The following SEC31A variants were observed in gnomAD, a reference collection of about 807,000 sequenced individuals.
The protein encoded by SEC31A is SEC31 homolog A, COPII component, also known as protein transport protein Sec31A.
Under a neutral mutation model 151.0 loss-of-function variants are expected in SEC31A, and 70 were observed. The ratio of observed to expected loss-of-function variants is 0.46; its 90% CI spans 0.38 to 0.57. SEC31A has a LOEUF of 0.57. Ranked by LOEUF, SEC31A falls within the 20% of genes least tolerant of loss-of-function variation. The pLI, the probability that SEC31A is intolerant of heterozygous loss-of-function variation, is 0.00. For missense variants in SEC31A, 1,330 were observed against 1,471.2 expected (o/e 0.90, Z 1.57); for synonymous variants, 475 against 505.9 (o/e 0.94, Z 0.82).
chr4:82,870,195 C>T, intron 8 of SEC31A, 130 bp downstream of exon 8: 1 of 579,184 alleles, frequency 1.7e-6, no homozygotes, highest in Admixed American at 2.9e-5. Flanking sequence ...GCCAAATAAA[C>T]ACTGCACACA....
At chr4:82,886,093 C>T (rs1379683338) in intron 1 of SEC31A, among the ~76,000 whole-genome samples, 2 of 152,186 alleles carry the variant, frequency 1.3e-5, no homozygotes, top group African/African-American at 2.4e-5. Context: ...GTTCTTTCTA[C>T]TTCCAACAAG....
At chr4:82,884,428 G>A (rs533044526) in intron 1 of SEC31A, among the ~76,000 whole-genome samples, 21 of 151,996 alleles carry the variant, frequency 1.4e-4, no homozygotes, top group East Asian at 3.9e-4. Context: ...AGAGTTTTAC[G>A]TTCCTAGAAA....
intron 21 of SEC31A, chr4:82,843,776 C>T (rs898882927): frequency 6.6e-6 from 1 of 151,794 alleles, no homozygotes; most frequent in Non-Finnish European, 1.5e-5. Flanking sequence ...TGTCATTACA[C>T]ATTTGTTAAA....
At chr4:82,842,575 G>A in intron 21 of SEC31A, 94 bp from the exon 22 acceptor site, 1 of 936,062 alleles carries the variant, frequency 1.1e-6, no homozygotes, top group Non-Finnish European at 1.6e-6. Context: ...CTATAGAAAT[G>A]ATTTTAATCA....
At chr4:82,853,432 G>T in intron 18 of SEC31A, 138 bp downstream of exon 18, 1 of 690,372 alleles carries the variant, frequency 1.4e-6, no homozygotes, top group Non-Finnish European at 2.2e-6. Context: ...TTCAAAGATA[G>T]CAATAAATGC....
upstream of SEC31A, among the ~76,000 whole-genome samples, chr4:82,892,178 T>C (rs1171913320): frequency 1.3e-5 from 2 of 152,226 alleles, no homozygotes; most frequent in Non-Finnish European, 2.9e-5. Context: ...CTGGTAGTAA[T>C]ATATTCTCTT....
At chr4:82,882,174 C>A (rs988095233) in intron 1 of SEC31A, among the ~76,000 whole-genome samples, 8 of 152,040 alleles carry the variant, frequency 5.3e-5, no homozygotes, top group Non-Finnish European at 1.0e-4. Context: ...GAGGCCAAGG[C>A]GGGCGGATCA....
chr4:82,827,946 G>A (rs1437988990), intron 23 of SEC31A, among the ~76,000 whole-genome samples: 1 of 148,976 alleles, frequency 6.7e-6, no homozygotes, highest in Non-Finnish European at 1.5e-5. Flanking sequence ...ATAGAGTCCC[G>A]CTCTGTCGCC....
chr4:82,869,264 C>T (rs1390113085), intron 8 of SEC31A, among the ~76,000 whole-genome samples: 2 of 151,538 alleles, frequency 1.3e-5, no homozygotes, highest in Admixed American at 6.6e-5. Flanking sequence ...GGACTACAGG[C>T]GCCCGCCACC....
upstream of SEC31A, chr4:82,894,581 G>A (rs1337734288): frequency 6.6e-6 from 1 of 152,198 alleles, no homozygotes; most frequent in Non-Finnish European, 1.5e-5. Context: ...CTCACAAACT[G>A]ATGTGGATGA....
chr4:82,866,189 G>C (rs544890045), intron 10 of SEC31A, among the ~76,000 whole-genome samples: 151 of 152,094 alleles, frequency 9.9e-4, no homozygotes, highest in Non-Finnish European at 1.7e-3. Context: ...AAGGGAGGAG[G>C]GCCGGGTGCA....
chr4:82,898,833 T>C (rs1720170819), intron 3 of SEC31A, among the ~76,000 whole-genome samples: 1 of 152,174 alleles, frequency 6.6e-6, no homozygotes, highest in African/African-American at 2.4e-5. Flanking sequence ...CTCAAGAAGC[T>C]AAACACAGTT....
rs1724118032 is a variant in SEC31A, at chr4:82,824,576, G to C, written c.3390C>G (p.Cys1130Trp). 1 of 1,613,486 alleles carries C rather than the reference G, an allele frequency of 6.2e-7. No individual in the cohort carries two copies. Among genetic ancestry groups the C allele is most frequent in the African/African-American group, 1.3e-5 (1 of 74,886 alleles). The change falls in exon 25 of 27, where the codon TGC becomes TGG. Residue 1130 changes from cysteine to tryptophan, a missense_variant. By Grantham distance (215) the Cys-to-Trp change is radical (BLOSUM62 -2). Transcript: ENST00000395310. ...KTTFEDLIQRCLSSATDPQTK... is the reference protein window; with the variant it reads ...KTTFEDLIQRWLSSATDPQTK... The stretch of plus-strand genomic sequence containing the variant: ...ATACAGGGTCTGTTGCTGAAGAAAG[G>C]CAGCGCTGAATAAGATCCTCAAATG...
Position 82,857,135 on chromosome 4 carries a change from A to C in SEC31A, c.1703-5T>G. 1 of 1,608,968 alleles carries C rather than the reference A, an allele frequency of 6.2e-7. No individual in the cohort carries two copies. Among genetic ancestry groups the C allele is most frequent in the Non-Finnish European group, 8.5e-7 (1 of 1,178,776 alleles). The stretch of plus-strand genomic sequence containing the variant: ...GAGTAATTAAACCATCAATGTCTGC[A>C]ACAAGAAAATAATACATCCAAGTTA... On this transcript the variant is annotated splice_polypyrimidine_tract_variant and splice_region_variant and intron_variant, in intron 15 of 26. Transcript: ENST00000395310.
intron 16 of SEC31A, 93 bp from the exon 17 acceptor site, chr4:82,855,122 C>A: frequency 1.9e-6 from 2 of 1,027,526 alleles, no homozygotes; most frequent in Non-Finnish European, 2.7e-6. Flanking sequence ...TATTTCATGC[C>A]AAATGCAGCA....
chr4:82,821,760 C>T (rs1230984654), intron 25 of SEC31A, among the ~76,000 whole-genome samples: 1 of 151,926 alleles, frequency 6.6e-6, no homozygotes, highest in East Asian at 1.9e-4. Flanking sequence ...TCACAAGCAT[C>T]AGGAGGCAGC....
intron 1 of SEC31A, among the ~76,000 whole-genome samples, chr4:82,884,617 T>C (rs1740232850): frequency 6.6e-6 from 1 of 152,244 alleles, no homozygotes; most frequent in Non-Finnish European, 1.5e-5. Flanking sequence ...TTGTATATTC[T>C]ATGGGTTTTG....
intron 14 of SEC31A, among the ~76,000 whole-genome samples, chr4:82,858,692 A>T (rs918937713): frequency 1.3e-5 from 2 of 149,338 alleles, no homozygotes; most frequent in South Asian, 4.2e-4. Context: ...TATATTATTT[A>T]TTTATTTATT....
intron 8 of SEC31A, among the ~76,000 whole-genome samples, chr4:82,869,132 T>C (rs1736066154): frequency 6.6e-6 from 1 of 151,786 alleles, no homozygotes. Context: ...TATTTATTTA[T>C]TTTTTGAGAT....
Sources: gnomAD v4.1 joint callset for allele counts (sites outside exome capture counted in the v4.1 genomes callset) on GRCh38, gnomAD v4.1.1 for gene constraint, MANE v1.5 for transcripts, NCBI Gene and HGNC (gene_info 2026-07-23, HGNC 2026-07-21) for gene names.